KIAA1328: variants seen among roughly 807,000 people sequenced by gnomAD.
KIAA1328 encodes the protein KIAA1328, also known as protein hinderin.
A neutral mutation model predicts 68.1 loss-of-function variants in KIAA1328; 52 were observed. The ratio of observed to expected loss-of-function variants is 0.76; its 90% CI spans 0.61 to 0.96. The LOEUF (loss-of-function observed/expected upper bound fraction) is 0.96, where lower values mean the gene tolerates loss of function less well. KIAA1328 is among the 40% of genes least tolerant of loss of function. The pLI is 0.00. For missense variants in KIAA1328, 641 were observed against 677.6 expected (o/e 0.95, Z 0.60); for synonymous variants, 232 against 239.4 (o/e 0.97, Z 0.28).
chr18:37,133,176 T>C (rs1282138263), intron 7 of KIAA1328, among the ~76,000 whole-genome samples: 1 of 151,770 alleles, frequency 6.6e-6, no homozygotes, highest in African/African-American at 2.4e-5. Context: ...CTACTACAAA[T>C]ACAAAATTAG....
intron 9 of KIAA1328, among the ~76,000 whole-genome samples, chr18:37,211,183 C>T (rs1303872270): frequency 1.3e-5 from 2 of 152,184 alleles, no homozygotes; most frequent in African/African-American, 2.4e-5. Context: ...AGTGTCACCT[C>T]TTACTTTTCT....
At chr18:37,153,001 C>G (rs749457594) in intron 7 of KIAA1328, among the ~76,000 whole-genome samples, 3 of 152,122 alleles carry the variant, frequency 2.0e-5, no homozygotes, top group Non-Finnish European at 4.4e-5. Context: ...CTTTGTCAAC[C>G]ACATGTACAG....
At chr18:37,082,736 A>G (rs909034128) in intron 7 of KIAA1328, among the ~76,000 whole-genome samples, 4 of 152,174 alleles carry the variant, frequency 2.6e-5, no homozygotes, top group Non-Finnish European at 4.4e-5. Context: ...GCCGATAACA[A>G]CTTTCGAAAG....
intron 7 of KIAA1328, among the ~76,000 whole-genome samples, chr18:37,131,542 A>G (rs1259253215): frequency 6.6e-6 from 1 of 152,178 alleles, no homozygotes; most frequent in East Asian, 1.9e-4. Flanking sequence ...CCCTGCGTCT[A>G]CCCAATAAAC....
chr18:37,152,367 A>G (rs2059054999), intron 7 of KIAA1328, among the ~76,000 whole-genome samples: 1 of 152,128 alleles, frequency 6.6e-6, no homozygotes, highest in Non-Finnish European at 1.5e-5. Context: ...GCCTGTTAAT[A>G]TAGATTCCCC....
At chr18:37,154,641 C>A (rs1448240579) in intron 7 of KIAA1328, among the ~76,000 whole-genome samples, 1 of 152,148 alleles carries the variant, frequency 6.6e-6, no homozygotes, top group East Asian at 1.9e-4. Context: ...TTCCTCAATT[C>A]ACTCCAGCAT....
At chr18:37,083,175 A>G (rs1488837721) in intron 7 of KIAA1328, among the ~76,000 whole-genome samples, 1 of 152,134 alleles carries the variant, frequency 6.6e-6, no homozygotes, top group Admixed American at 6.5e-5. Context: ...ACTGTGACTG[A>G]TATTATTGCT....
intron 6 of KIAA1328, among the ~76,000 whole-genome samples, chr18:37,009,505 A>C (rs2053899083): frequency 6.6e-6 from 1 of 151,722 alleles, no homozygotes; most frequent in Non-Finnish European, 1.5e-5. Context: ...GGTGATTTTG[A>C]CCCCCAGGAG....
At chr18:36,849,949 A>C (rs1352586552) in intron 4 of KIAA1328, among the ~76,000 whole-genome samples, 1 of 152,110 alleles carries the variant, frequency 6.6e-6, no homozygotes, top group Non-Finnish European at 1.5e-5. Flanking sequence ...GGCTAATGAT[A>C]CTGAAAAATC....
In KIAA1328 at chr18:36,835,334, C is replaced by G. The variant is rs1245500336; in HGVS notation, c.195C>G (p.Ser65=). The G allele has an allele frequency of 1.9e-6, 3 of 1,613,502 alleles. No individual in the cohort carries two copies. The highest frequency in any genetic ancestry group is 2.5e-6 in the Non-Finnish European group (3 of 1,179,712). Residue 65 remains serine (S), a synonymous_variant, in exon 3 of 10, where the codon TCC becomes TCG. Coordinates refer to ENST00000280020, the MANE Select transcript of KIAA1328 (RefSeq NM_020776.3). ...CCAGGGTGACTGATGCTTCAATCTCCATGGAGTCCTTAAAAGGCACAGGAG... is the reference window on the plus strand; with the variant it reads ...CCAGGGTGACTGATGCTTCAATCTCGATGGAGTCCTTAAAAGGCACAGGAG... The part of the protein sequence containing the change: ...KTSRVTDASI[S]MESLKGTGDS...
intron 6 of KIAA1328, among the ~76,000 whole-genome samples, chr18:36,970,585 T>A (rs1305088101): frequency 6.6e-6 from 1 of 152,212 alleles, no homozygotes; most frequent in Non-Finnish European, 1.5e-5. Context: ...CTCCTTAAGC[T>A]GATAAGCAAC....
chr18:37,171,518 TC>T (rs1261649058), intron 8 of KIAA1328, among the ~76,000 whole-genome samples: 2 of 152,190 alleles, frequency 1.3e-5, no homozygotes, highest in African/African-American at 2.4e-5. Flanking sequence ...CCTCTATGTC[TC>T]TTTATGTGAT....
chr18:36,935,492 T>A (rs2050465909), intron 5 of KIAA1328, among the ~76,000 whole-genome samples: 1 of 152,224 alleles, frequency 6.6e-6, no homozygotes, highest in African/African-American at 2.4e-5. Flanking sequence ...TGGCCATTAA[T>A]GCCTTATGCT....
intron 7 of KIAA1328, among the ~76,000 whole-genome samples, chr18:37,123,477 A>G (rs2058319726): frequency 1.3e-5 from 2 of 152,204 alleles, no homozygotes; most frequent in South Asian, 4.1e-4. Context: ...TAATCATGCA[A>G]ATACAATTTA....
chr18:37,205,897 A>G (rs2060207402), intron 9 of KIAA1328, among the ~76,000 whole-genome samples: 1 of 152,162 alleles, frequency 6.6e-6, no homozygotes, highest in Non-Finnish European at 1.5e-5. Flanking sequence ...TTCTACTTTA[A>G]TGGGGGTGGT....
chr18:37,012,104 C>T (rs965385455), intron 6 of KIAA1328, among the ~76,000 whole-genome samples: 3 of 152,162 alleles, frequency 2.0e-5, no homozygotes, highest in South Asian at 2.1e-4. Flanking sequence ...TTGAAAGGAA[C>T]GAAGAAGCGG....
chr18:37,224,587 T>C lies in KIAA1328; in HGVS notation c.*2360T>C. 5 of 971,864 alleles carry C rather than the reference T, an allele frequency of 5.1e-6. No individual in the cohort carries two copies. The highest frequency in any genetic ancestry group is 6.1e-6 in the Non-Finnish European group (5 of 817,586). The allele number at this position is 971,864 out of a possible 1,614,324, so 60.2% of individuals were successfully genotyped here. Reference sequence around the variant, plus strand: ...TAGTACATGTTAACATTTTAATCTATTTAAATTTACTTTGAAATATATACA... The same window carrying C: ...TAGTACATGTTAACATTTTAATCTACTTAAATTTACTTTGAAATATATACA... On this transcript the variant is annotated 3_prime_UTR_variant, in exon 10 of 10. Coordinates refer to ENST00000280020, the MANE Select transcript of KIAA1328 (RefSeq NM_020776.3).
At chr18:37,008,121 C>G (rs1297630401) in intron 6 of KIAA1328, among the ~76,000 whole-genome samples, 6 of 152,182 alleles carry the variant, frequency 3.9e-5, no homozygotes, top group Admixed American at 3.9e-4. Flanking sequence ...TAACCTAAGA[C>G]AGACCCAGTT....
chr18:37,093,259 A>T (rs1442665386), intron 7 of KIAA1328, among the ~76,000 whole-genome samples: 1 of 152,264 alleles, frequency 6.6e-6, no homozygotes, highest in Non-Finnish European at 1.5e-5. Flanking sequence ...GTAACATAAC[A>T]TCTTCAAATG....
Sources: gnomAD v4.1 joint callset for allele counts (sites outside exome capture counted in the v4.1 genomes callset) on GRCh38, gnomAD v4.1.1 for gene constraint, MANE v1.5 for transcripts, NCBI Gene and HGNC (gene_info 2026-07-23, HGNC 2026-07-21) for gene names.